The following LPP variants were observed in gnomAD, a reference collection of about 807,000 sequenced individuals.
LPP encodes the protein lipoma-preferred partner.
A neutral mutation model predicts 60.4 loss-of-function variants in LPP; 38 were observed. That is an observed-to-expected ratio of 0.63 (90% CI 0.49 to 0.83). LPP has a LOEUF of 0.83. Among genes scored for constraint, LPP ranks in the 40% least tolerant of loss-of-function variants. The probability of loss-of-function intolerance (pLI) is 0.00; values close to 1 mark genes in which losing one functional copy is unlikely to be tolerated. For missense variants in LPP, 902 were observed against 783.6 expected (o/e 1.15, Z -1.80); for synonymous variants, 328 against 290.8 (o/e 1.13, Z -1.30).
At chr3:188,661,803 A>G (rs1239245751) in intron 7 of LPP, among the ~76,000 whole-genome samples, 4 of 152,230 alleles carry the variant, frequency 2.6e-5, no homozygotes, top group African/African-American at 9.6e-5. Flanking sequence ...CATGTCTTCA[A>G]ATAGGCTTAA....
chr3:188,552,643 A>G (rs1418038161), intron 6 of LPP, among the ~76,000 whole-genome samples: 1 of 151,850 alleles, frequency 6.6e-6, no homozygotes, highest in African/African-American at 2.4e-5. Flanking sequence ...GGCTGCCCAT[A>G]TTTCTTGGCT....
chr3:188,765,298 A>G (rs1199564812), intron 9 of LPP, among the ~76,000 whole-genome samples: 1 of 7,692 alleles, frequency 1.3e-4, no homozygotes, highest in East Asian at 1.1e-3. Flanking sequence ...GTCTCACACA[A>G]CACACACACA....
chr3:188,546,624 C>G (rs1010323513), intron 6 of LPP, among the ~76,000 whole-genome samples: 1 of 151,976 alleles, frequency 6.6e-6, no homozygotes, highest in Admixed American at 6.6e-5. Flanking sequence ...GAGTAAGTAA[C>G]GATATTTTTA....
chr3:188,731,302 C>T (rs58281521), intron 8 of LPP, among the ~76,000 whole-genome samples: 4,921 of 152,076 alleles, frequency 0.032, 263 homozygotes, highest in African/African-American at 0.11. Flanking sequence ...GATTTCACTC[C>T]ACCTTTTTTT....
chr3:188,409,546 T>G (rs2148905600), intron 4 of LPP, among the ~76,000 whole-genome samples: 1 of 152,372 alleles, frequency 6.6e-6, no homozygotes, highest in Admixed American at 6.5e-5. Flanking sequence ...TTAAACAATT[T>G]ATAACCATTC....
intron 7 of LPP, among the ~76,000 whole-genome samples, chr3:188,642,707 C>T (rs1850394017): frequency 6.6e-6 from 1 of 152,104 alleles, no homozygotes. Flanking sequence ...GAGGCCGAGG[C>T]AGGCAGATCA....
intron 2 of LPP, among the ~76,000 whole-genome samples, chr3:188,296,131 C>T (rs757428401): frequency 2.6e-5 from 4 of 152,094 alleles, no homozygotes; most frequent in Non-Finnish European, 5.9e-5. Context: ...CGTTTCATGC[C>T]GGCACATAAT....
intron 2 of LPP, among the ~76,000 whole-genome samples, chr3:188,303,112 T>C (rs1293869901): frequency 2.6e-5 from 4 of 152,216 alleles, no homozygotes; most frequent in African/African-American, 9.6e-5. Context: ...ACTTTTTCTG[T>C]AAAGGGACAG....
chr3:188,728,184 T>C (rs1258203477), intron 8 of LPP, among the ~76,000 whole-genome samples: 1 of 152,228 alleles, frequency 6.6e-6, no homozygotes, highest in African/African-American at 2.4e-5. Context: ...ATATTATTAC[T>C]CGGAGAAAAT....
chr3:188,282,630 CT>C (rs919908121), intron 2 of LPP, among the ~76,000 whole-genome samples: 1 of 152,144 alleles, frequency 6.6e-6, no homozygotes, highest in East Asian at 1.9e-4. Flanking sequence ...TTCAGGCAAC[CT>C]TTCTGCCTTC....
At chr3:188,331,559 C>G (rs1286484724) in intron 2 of LPP, among the ~76,000 whole-genome samples, 1 of 152,192 alleles carries the variant, frequency 6.6e-6, no homozygotes. Flanking sequence ...CCCAGATACT[C>G]AAAGATAGCT....
chr3:188,489,779 G>C (rs1315348716), intron 5 of LPP, among the ~76,000 whole-genome samples: 1 of 152,092 alleles, frequency 6.6e-6, no homozygotes, highest in Non-Finnish European at 1.5e-5. Context: ...GAATTCAGGG[G>C]CTCAATATTT....
intron 9 of LPP, among the ~76,000 whole-genome samples, chr3:188,858,943 G>A (rs1578014359): frequency 6.6e-6 from 1 of 151,830 alleles, no homozygotes; most frequent in East Asian, 1.9e-4. Context: ...TAAAAAATTA[G>A]CTGGGTGTGG....
chr3:188,423,154 G>A (rs1788322275), intron 4 of LPP, among the ~76,000 whole-genome samples: 1 of 151,906 alleles, frequency 6.6e-6, no homozygotes, highest in Non-Finnish European at 1.5e-5. Flanking sequence ...CTGTGTCCAT[G>A]TGTTCTCACT....
intron 2 of LPP, among the ~76,000 whole-genome samples, chr3:188,274,880 G>C (rs1739111783): frequency 6.6e-6 from 1 of 152,098 alleles, no homozygotes; most frequent in African/African-American, 2.4e-5. Flanking sequence ...TTTCCATTAT[G>C]GGAAAAGGGT....
chr3:188,168,991 C>T (rs1350394920), intron 1 of LPP, among the ~76,000 whole-genome samples: 10 of 152,222 alleles, frequency 6.6e-5, no homozygotes, highest in Admixed American at 2.0e-4. Context: ...TCCCAAGGGG[C>T]CTTTGGTTTT....
At chr3:188,837,382 C>CATCATAATAATAATAATA (rs370487700) in intron 9 of LPP, among the ~76,000 whole-genome samples, 3 of 140,394 alleles carry the variant, frequency 2.1e-5, no homozygotes, top group Admixed American at 7.2e-5. Flanking sequence ...CCATCTCAAA[C>CATCATAATAATAATAATA]ATAATAATAA....
chr3:188,250,976 T>C (rs192848132), intron 2 of LPP, among the ~76,000 whole-genome samples: 7 of 11,882 alleles, frequency 5.9e-4, no homozygotes, highest in Admixed American at 1.3e-3. Flanking sequence ...TCCCTTCCCT[T>C]CCCTCCCCTC....
intron 7 of LPP, among the ~76,000 whole-genome samples, chr3:188,637,723 AAC>A: frequency 2.0e-5 from 3 of 152,348 alleles, no homozygotes; most frequent in East Asian, 1.9e-4. Flanking sequence ...CCATCAGAGA[AAC>A]CTACAAACAC....
Sources: allele counts gnomAD v4.1 joint callset (sites outside exome capture counted in the v4.1 genomes callset), GRCh38; gene constraint gnomAD v4.1.1; transcripts MANE v1.5; gene names NCBI Gene and HGNC (gene_info 2026-07-23, HGNC 2026-07-21).